Variants in CLVS1 observed in about 807,000 individuals in gnomAD.
The protein encoded by CLVS1 is clavesin-1.
Under a neutral mutation model 33.1 loss-of-function variants are expected in CLVS1, and 10 were observed. The observed-to-expected ratio is 0.30, with a 90% CI of 0.19 to 0.51. The LOEUF (loss-of-function observed/expected upper bound fraction) is 0.51. CLVS1 is among the 20% of genes least tolerant of loss of function. The pLI is 0.97. For synonymous variants in CLVS1, 163 were observed against 166.1 expected (o/e 0.98, Z 0.14); for missense variants, 343 against 433.4 (o/e 0.79, Z 1.85).
the CLVS1 span, among the ~76,000 whole-genome samples, chr8:61,029,351 A>T: frequency 9.9e-4 from 151 of 152,308 alleles, no homozygotes; most frequent in African/African-American, 3.5e-3. Context: ...GCCATCCCAG[A>T]AAACTGGGTC....
chr8:61,273,229 G>T (rs1809484300), intron 2 of CLVS1, among the ~76,000 whole-genome samples: 1 of 151,750 alleles, frequency 6.6e-6, no homozygotes, highest in Non-Finnish European at 1.5e-5. Context: ...CTCAGCTGCA[G>T]GTCTGTTGGA....
At chr8:61,233,541 GA>G (rs1269088379) in intron 2 of CLVS1, among the ~76,000 whole-genome samples, 114 of 143,732 alleles carry the variant, frequency 7.9e-4, no homozygotes, top group African/African-American at 2.6e-3. Flanking sequence ...AAAAGAAAAA[GA>G]AAAAAAAAAG....
chr8:61,338,992 G>GTA (rs1322527674), intron 2 of CLVS1, among the ~76,000 whole-genome samples: 2 of 141,054 alleles, frequency 1.4e-5, no homozygotes, highest in African/African-American at 5.1e-5. Flanking sequence ...GTGTGTGTGT[G>GTA]TATGCATGTG....
chr8:61,191,313 C>T (rs142249997), intron 2 of CLVS1, among the ~76,000 whole-genome samples: 2,219 of 152,206 alleles, frequency 0.015, 73 homozygotes, highest in African/African-American at 0.05. Flanking sequence ...AGGCCTTTGA[C>T]AAAATTCAAC....
intron 2 of CLVS1, among the ~76,000 whole-genome samples, chr8:61,258,487 A>G (rs1324303964): frequency 1.3e-5 from 2 of 152,218 alleles, no homozygotes; most frequent in Admixed American, 6.5e-5. Context: ...GGCTTGAGTC[A>G]AGTACTAATA....
chr8:61,038,766 C>T, the CLVS1 span, among the ~76,000 whole-genome samples: 1 of 152,066 alleles, frequency 6.6e-6, no homozygotes, highest in South Asian at 2.1e-4. Context: ...TTCCTCGGAC[C>T]CACTTTATAG....
At chr8:61,147,303 A>C (rs950170634) in intron 2 of CLVS1, among the ~76,000 whole-genome samples, 51 of 152,314 alleles carry the variant, frequency 3.3e-4, no homozygotes, top group African/African-American at 1.1e-3. Flanking sequence ...CAGAACAGCC[A>C]AGAGATTTTT....
intron 5 of CLVS1, among the ~76,000 whole-genome samples, chr8:61,479,545 C>G (rs1314346251): frequency 6.6e-6 from 1 of 151,472 alleles, no homozygotes; most frequent in Non-Finnish European, 1.5e-5. Context: ...TCCTTTAGCT[C>G]GGAGTAGTTG....
intron 2 of CLVS1, among the ~76,000 whole-genome samples, chr8:61,142,159 T>C (rs1431457147): frequency 6.6e-6 from 1 of 152,124 alleles, no homozygotes; most frequent in Non-Finnish European, 1.5e-5. Flanking sequence ...GGGAGCGACG[T>C]GGTGGGAGAT....
Position 61,211,696 on chromosome 8 carries a change from T to C in CLVS1, c.-152+79836T>C, listed in dbSNP as rs184373798. Reference sequence around the variant, plus strand: ...TTATGGCCCCCCAAAGACATCTGCATCTTAAGCCGAGACTGGCTATGTTTC... The same window carrying C: ...TTATGGCCCCCCAAAGACATCTGCACCTTAAGCCGAGACTGGCTATGTTTC... On this transcript the variant is annotated intron_variant, in intron 2 of 2. Coordinates refer to the CLVS1 transcript ENST00000522621. 3.3e-4 allele frequency among the ~76,000 whole-genome samples: 51 copies of C among 152,382 alleles called. 1 individual carries two copies. Among genetic ancestry groups the C allele is most frequent in the Middle Eastern group, 6.8e-3 (2 of 294 alleles).
chr8:61,457,906 G>A (rs759033078), intron 4 of CLVS1, among the ~76,000 whole-genome samples: 5 of 152,216 alleles, frequency 3.3e-5, no homozygotes, highest in African/African-American at 7.2e-5. Context: ...GCCAGGGAAG[G>A]GGGGAAGGAT....
At chr8:61,014,931 G>A in the CLVS1 span, among the ~76,000 whole-genome samples, 1 of 152,240 alleles carries the variant, frequency 6.6e-6, no homozygotes, top group Non-Finnish European at 1.5e-5. Context: ...CTTTCTAGAA[G>A]AAGTAGCTCC....
chr8:61,077,018 G>A (rs982487649), intron 1 of CLVS1, among the ~76,000 whole-genome samples: 5 of 152,110 alleles, frequency 3.3e-5, no homozygotes, highest in African/African-American at 4.8e-5. Context: ...TTTACATTTG[G>A]TCCTTGAAAT....
At chr8:61,098,402 G>GATATATATAT (rs59671943) in intron 1 of CLVS1, among the ~76,000 whole-genome samples, 74 of 143,982 alleles carry the variant, frequency 5.1e-4, no homozygotes, top group African/African-American at 1.2e-3. Flanking sequence ...TAGGGAAACT[G>GATATATATAT]ATATATATAT....
At chr8:61,286,874 C>G (rs1181094947), upstream of CLVS1, among the ~76,000 whole-genome samples, 1 of 152,166 alleles carries the variant, frequency 6.6e-6, no homozygotes, top group Non-Finnish European at 1.5e-5. Context: ...TATTTGATAT[C>G]TTGCTTTCCT....
intron 1 of CLVS1, among the ~76,000 whole-genome samples, chr8:61,081,871 G>T (rs1165764438): frequency 6.6e-6 from 1 of 152,198 alleles, no homozygotes; most frequent in Non-Finnish European, 1.5e-5. Flanking sequence ...ATGAGAACCA[G>T]TATTGGGTTC....
intron 3 of CLVS1, among the ~76,000 whole-genome samples, chr8:61,400,086 T>C (rs1479646080): frequency 6.6e-6 from 1 of 152,216 alleles, no homozygotes; most frequent in Middle Eastern, 3.2e-3. Context: ...CAATGGTAGT[T>C]TCATGGGTAT....
chr8:61,468,184 C>G (rs376728482), intron 5 of CLVS1, among the ~76,000 whole-genome samples: 28 of 152,272 alleles, frequency 1.8e-4, no homozygotes, highest in African/African-American at 6.5e-4. Flanking sequence ...TGTGAAATGG[C>G]TGGGATGAAA....
At chr8:61,059,357 G>A (rs1052682124) in intron 1 of CLVS1, among the ~76,000 whole-genome samples, 2 of 150,814 alleles carry the variant, frequency 1.3e-5, no homozygotes, top group Non-Finnish European at 3.0e-5. Flanking sequence ...GTTCAAATCT[G>A]TCCACTATTT....
Sources: gnomAD v4.1 joint callset for allele counts (sites outside exome capture counted in the v4.1 genomes callset) on GRCh38, gnomAD v4.1.1 for gene constraint, MANE v1.5 for transcripts, NCBI Gene and HGNC (gene_info 2026-07-23, HGNC 2026-07-21) for gene names.